GALNTL6: variants seen among roughly 807,000 people sequenced by gnomAD.
The protein encoded by GALNTL6 is polypeptide N-acetylgalactosaminyltransferase-like 6.
GALNTL6 carries 46 observed loss-of-function variants against 73.7 expected under a neutral mutation model. The ratio of observed to expected loss-of-function variants is 0.62; its 90% CI spans 0.49 to 0.80. GALNTL6 has a LOEUF of 0.80. Ranked by LOEUF, GALNTL6 falls within the 30% of genes least tolerant of loss-of-function variation. The probability of loss-of-function intolerance (pLI) is 0.00; values close to 1 mark genes in which losing one functional copy is unlikely to be tolerated. For missense variants in GALNTL6, 604 were observed against 755.0 expected (o/e 0.80, Z 2.34); for synonymous variants, 259 against 263.7 (o/e 0.98, Z 0.17).
At chr4:172,212,757 C>G (rs1352771267) in intron 2 of GALNTL6, among the ~76,000 whole-genome samples, 1 of 151,562 alleles carries the variant, frequency 6.6e-6, no homozygotes, top group African/African-American at 2.4e-5. Flanking sequence ...AACCTCTGGC[C>G]CCCGGGTTCA....
At chr4:171,917,516 G>A (rs1358522884) in intron 2 of GALNTL6, among the ~76,000 whole-genome samples, 1 of 152,064 alleles carries the variant, frequency 6.6e-6, no homozygotes, top group Non-Finnish European at 1.5e-5. Flanking sequence ...GTCTAGCAAT[G>A]ACACCTAAGC....
At chr4:172,434,393 G>A (rs1297528253) in intron 5 of GALNTL6, among the ~76,000 whole-genome samples, 2 of 152,030 alleles carry the variant, frequency 1.3e-5, no homozygotes, top group East Asian at 1.9e-4. Flanking sequence ...CCTTTAAGCT[G>A]AGTACTGTAT....
chr4:172,756,344 C>A (rs1341242846), intron 5 of GALNTL6, among the ~76,000 whole-genome samples: 1 of 152,118 alleles, frequency 6.6e-6, no homozygotes, highest in African/African-American at 2.4e-5. Context: ...CCATTGCAAG[C>A]ATAAGAAATA....
chr4:172,774,018 G>T (rs1464087936), intron 5 of GALNTL6, among the ~76,000 whole-genome samples: 2 of 152,120 alleles, frequency 1.3e-5, no homozygotes, highest in African/African-American at 4.8e-5. Flanking sequence ...TAATTCCTTT[G>T]TATGTAAAAA....
intron 5 of GALNTL6, among the ~76,000 whole-genome samples, chr4:172,702,004 C>T (rs957213089): frequency 4.0e-5 from 6 of 151,856 alleles, no homozygotes; most frequent in Non-Finnish European, 8.8e-5. Context: ...CAAAACTGAG[C>T]AGGTACATTT....
chr4:172,080,386 T>C (rs1202649540), intron 2 of GALNTL6, among the ~76,000 whole-genome samples: 1 of 152,096 alleles, frequency 6.6e-6, no homozygotes, highest in Non-Finnish European at 1.5e-5. Context: ...TGTCTGTATA[T>C]TTCCCGGGTC....
intron 5 of GALNTL6, among the ~76,000 whole-genome samples, chr4:172,453,834 A>G (rs1280592969): frequency 6.6e-6 from 1 of 152,180 alleles, no homozygotes; most frequent in Non-Finnish European, 1.5e-5. Flanking sequence ...CTTAGGAGAG[A>G]GGCAAATAAG....
Position 172,379,731 on chromosome 4 carries a change from T to C in GALNTL6, c.553+31042T>C, listed in dbSNP as rs1020165751. Among the ~76,000 whole-genome samples the C allele has an allele frequency of 6.6e-5, 10 of 152,062 alleles. 1 individual carries two copies. Among genetic ancestry groups the C allele is most frequent in the African/African-American group, 2.4e-4 (10 of 41,422 alleles). On this transcript the variant is annotated intron_variant, in intron 5 of 12. Coordinates refer to ENST00000506823, the MANE Select transcript of GALNTL6 (RefSeq NM_001034845.3). ...GGAGCTAACCTGACAACTACCTTCA[T>C]TCACAGTGCTTTACACTTAAACCAG...
At chr4:172,777,496 G>T (rs1407295109) in intron 5 of GALNTL6, among the ~76,000 whole-genome samples, 1 of 152,212 alleles carries the variant, frequency 6.6e-6, no homozygotes, top group African/African-American at 2.4e-5. Context: ...TTGTTGTAAA[G>T]TTGAACTGTG....
chr4:172,211,278 C>T (rs907450496), intron 2 of GALNTL6, among the ~76,000 whole-genome samples: 2 of 152,156 alleles, frequency 1.3e-5, no homozygotes, highest in Admixed American at 6.5e-5. Context: ...GATGTGTTCA[C>T]TAGTTCTGGG....
chr4:172,309,244 C>A (rs1008411886), intron 3 of GALNTL6, among the ~76,000 whole-genome samples: 2 of 151,710 alleles, frequency 1.3e-5, no homozygotes, highest in Non-Finnish European at 1.5e-5. Flanking sequence ...AATTTAAGGG[C>A]AGTAGTAGTA....
intron 3 of GALNTL6, among the ~76,000 whole-genome samples, chr4:172,240,541 A>AT (rs1198375929): frequency 6.6e-6 from 1 of 151,982 alleles, no homozygotes; most frequent in East Asian, 1.9e-4. Context: ...TTTGTTTGTT[A>AT]TTTTTTATTC....
intron 5 of GALNTL6, among the ~76,000 whole-genome samples, chr4:172,575,550 C>T (rs1736930135): frequency 6.6e-6 from 1 of 152,204 alleles, no homozygotes; most frequent in South Asian, 2.1e-4. Flanking sequence ...GATCTGATTT[C>T]AAATTCTCGC....
At chr4:172,349,972 A>C (rs931812236) in intron 5 of GALNTL6, among the ~76,000 whole-genome samples, 2 of 152,086 alleles carry the variant, frequency 1.3e-5, no homozygotes, top group East Asian at 3.9e-4. Flanking sequence ...TGAAATTTGC[A>C]GATTTTTGAA....
At chr4:172,331,623 C>T (rs74382781) in intron 4 of GALNTL6, among the ~76,000 whole-genome samples, 1 of 152,144 alleles carries the variant, frequency 6.6e-6, no homozygotes, top group Admixed American at 6.6e-5. Context: ...TAAGATAAAT[C>T]ATGCAGTATT....
rs141464149 is a variant in GALNTL6 at position 172,849,647 on chromosome 4, T to C, written c.924-33143T>C. Among the ~76,000 whole-genome samples the C allele has an allele frequency of 2.1e-4, 32 of 152,338 alleles. No homozygotes were observed. In the East Asian group the frequency reaches 6.2e-3, roughly 29 times the overall value. On this transcript the variant is annotated intron_variant, in intron 7 of 12. Coordinates refer to ENST00000506823, the MANE Select transcript of GALNTL6 (RefSeq NM_001034845.3). ...AACAAGCCAGCTATAGTTTACAATA[T>C]GATAATATTTATTTCCCCCAAATAA...
rs74917323 is a variant in GALNTL6 at position 173,002,749 on chromosome 4, C to T, written c.1372-6429C>T. On this transcript the variant is annotated intron_variant, in intron 10 of 12. Transcript: ENST00000506823. ...GGCGGAGGTTGCAGTGAGCCGAGAT[C>T]GGGCCACTGCACTCCAGCCTGGGGG... Among the ~76,000 whole-genome samples the T allele has an allele frequency of 4.3e-5, 6 of 141,008 alleles. 1 individual carries two copies. In the East Asian group the frequency reaches 8.8e-4, roughly 21 times the overall value. The allele number at this position is 141,008 out of a possible 152,430, so 92.5% of individuals were successfully genotyped here.
At chr4:172,087,580 G>T (rs1431012686) in intron 2 of GALNTL6, among the ~76,000 whole-genome samples, 1 of 151,920 alleles carries the variant, frequency 6.6e-6, no homozygotes, top group Non-Finnish European at 1.5e-5. Flanking sequence ...GTGCAGAAAA[G>T]CATATGTAGT....
At chr4:172,209,522 A>G (rs957756486) in intron 2 of GALNTL6, among the ~76,000 whole-genome samples, 3 of 151,998 alleles carry the variant, frequency 2.0e-5, no homozygotes, top group Admixed American at 6.6e-5. Flanking sequence ...TTAATGCTAC[A>G]TTTTATTGAA....
Sources: gnomAD v4.1 joint callset for allele counts (sites outside exome capture counted in the v4.1 genomes callset) on GRCh38, gnomAD v4.1.1 for gene constraint, MANE v1.5 for transcripts, NCBI Gene and HGNC (gene_info 2026-07-23, HGNC 2026-07-21) for gene names.